Variants in CELF2 observed in about 807,000 individuals in gnomAD.
CELF2 encodes CUGBP Elav-like family member 2.
Under a neutral mutation model 62.6 loss-of-function variants are expected in CELF2, and 8 were observed. That is an observed-to-expected ratio of 0.13 (90% CI 0.07 to 0.23). The LOEUF (loss-of-function observed/expected upper bound fraction) is 0.23. CELF2 is among the 10% of genes least tolerant of loss of function. The probability of loss-of-function intolerance (pLI) is 1.00; values close to 1 mark genes in which losing one functional copy is unlikely to be tolerated. For synonymous variants in CELF2, 258 were observed against 250.0 expected, an observed-to-expected ratio of 1.03 and a Z score of -0.30; for missense variants, 333 against 671.0, an observed-to-expected ratio of 0.50 and a Z score of 5.56.
chr10:11,086,312 G>C (rs116818493), intron 1 of CELF2, among the ~76,000 whole-genome samples: 4 of 151,790 alleles, frequency 2.6e-5, no homozygotes, highest in African/African-American at 9.7e-5. Context: ...TTTTCCCTCC[G>C]CCTGGCCTGT....
At chr10:10,864,467 A>G (rs1171242467) in intron 1 of CELF2, among the ~76,000 whole-genome samples, 1 of 152,192 alleles carries the variant, frequency 6.6e-6, no homozygotes, top group African/African-American at 2.4e-5. Context: ...TGGCTTAAAC[A>G]GCAGACAATT....
chr10:10,720,899 T>C, the CELF2 span, among the ~76,000 whole-genome samples: 1 of 152,196 alleles, frequency 6.6e-6, no homozygotes, highest in Non-Finnish European at 1.5e-5. Flanking sequence ...ATAAAAATCT[T>C]AGGAAAGCCA....
At chr10:10,743,918 C>A in the CELF2 span, among the ~76,000 whole-genome samples, 4 of 152,168 alleles carry the variant, frequency 2.6e-5, no homozygotes, top group Admixed American at 2.6e-4. Context: ...AGTCCAGCAG[C>A]AGCCATGCTC....
At chr10:10,579,258 T>C in the CELF2 span, among the ~76,000 whole-genome samples, 2 of 152,186 alleles carry the variant, frequency 1.3e-5, no homozygotes, top group African/African-American at 2.4e-5. Flanking sequence ...TGGATTTGCA[T>C]CTTGGAGTTT....
the CELF2 span, among the ~76,000 whole-genome samples, chr10:10,497,432 A>C: frequency 5.3e-5 from 8 of 152,216 alleles, no homozygotes; most frequent in African/African-American, 1.9e-4. Flanking sequence ...GGAACAACAA[A>C]AAAGACATGA....
At position 11,319,034 on chromosome 10, in the gene CELF2, G is replaced by A. The variant is rs563665023; in HGVS notation, c.1097-2155G>A. On this transcript the variant is annotated intron_variant, in intron 10 of 12. Transcript: ENST00000633077. The surrounding 1 kb of genome is among the most constrained non-coding windows in gnomAD (Gnocchi z 4.4). ...CAGCCCGTCCTCGTCTGGCAGCAAGGCCCCACATGGCTCTGCAGGCTGCGA... is the reference window on the plus strand; with the variant it reads ...CAGCCCGTCCTCGTCTGGCAGCAAGACCCCACATGGCTCTGCAGGCTGCGA... The A allele has an allele frequency of 1.3e-5, 6 of 470,966 alleles. No homozygotes were observed. The highest frequency in any genetic ancestry group is 7.0e-5 in the Admixed American group (3 of 42,596). 29.2% of individuals were successfully genotyped at this position (470,966 alleles called of 1,614,324 possible). A position where few individuals can be genotyped will look rare whatever the true frequency, so the allele number is the denominator to read the frequency against.
chr10:11,262,394 G>C (rs1307962515), intron 5 of CELF2, among the ~76,000 whole-genome samples: 4 of 152,182 alleles, frequency 2.6e-5, no homozygotes, highest in Non-Finnish European at 4.4e-5. Context: ...CAACAAGCAT[G>C]TACACAGAAA....
chr10:10,558,724 G>T, the CELF2 span, among the ~76,000 whole-genome samples: 1 of 152,088 alleles, frequency 6.6e-6, no homozygotes, highest in African/African-American at 2.4e-5. Flanking sequence ...CCTGTTATTG[G>T]TCTATTCAGA....
At chr10:11,139,369 A>T (rs1027704309) in intron 1 of CELF2, among the ~76,000 whole-genome samples, 1 of 152,236 alleles carries the variant, frequency 6.6e-6, no homozygotes, top group African/African-American at 2.4e-5. Context: ...ACACAGTTCT[A>T]AATAGTTGAA....
chr10:11,334,059 A>G lies in CELF2; in HGVS notation c.*5006A>G, dbSNP rs980842261. The stretch of plus-strand genomic sequence containing the variant: ...TTCTTTTTTCCCTTTGCTTATATCT[A>G]GCATTAGAATTTTGTCTTAAAATAA... On this transcript the variant is annotated 3_prime_UTR_variant, in exon 13 of 13. Coordinates refer to ENST00000633077, the MANE Select transcript of CELF2 (RefSeq NM_001326342.2). The G allele has an allele frequency of 2.0e-5, 3 of 152,624 alleles. No homozygotes were observed. Among genetic ancestry groups the G allele is most frequent in the Non-Finnish European group, 2.9e-5 (2 of 68,030 alleles). The allele number at this position is 152,624 out of a possible 1,614,324, so 9.5% of individuals were successfully genotyped here. A position where few individuals can be genotyped will look rare whatever the true frequency, so the allele number is the denominator to read the frequency against.
At chr10:11,073,479 G>A (rs7091077) in intron 1 of CELF2, among the ~76,000 whole-genome samples, 29,656 of 152,158 alleles carry the variant, frequency 0.19, 3,000 homozygotes, top group Middle Eastern at 0.28. Flanking sequence ...AGTGGTATGA[G>A]GGTCTGGAAT....
the CELF2 span, among the ~76,000 whole-genome samples, chr10:10,696,288 G>C: frequency 6.6e-6 from 1 of 151,366 alleles, no homozygotes; most frequent in Non-Finnish European, 1.5e-5. Context: ...TGCCCCTGCT[G>C]GGGGGTGCCT....
chr10:11,170,048 T>C (rs897961452), intron 2 of CELF2, among the ~76,000 whole-genome samples: 7 of 152,170 alleles, frequency 4.6e-5, no homozygotes, highest in African/African-American at 1.7e-4. Flanking sequence ...GGAAAGGAAA[T>C]GCATGGATGT....
At chr10:11,236,964 G>A (rs187427449) in intron 3 of CELF2, among the ~76,000 whole-genome samples, 1 of 152,322 alleles carries the variant, frequency 6.6e-6, no homozygotes, top group East Asian at 1.9e-4. Context: ...GGAATTCCCT[G>A]AAATACATGC....
At chr10:10,738,694 C>T in the CELF2 span, among the ~76,000 whole-genome samples, 1 of 152,140 alleles carries the variant, frequency 6.6e-6, no homozygotes, top group African/African-American at 2.4e-5. Flanking sequence ...CTACAAAATA[C>T]CTGACTAGTT....
chr10:11,215,799 A>T (rs1330514206), intron 2 of CELF2, among the ~76,000 whole-genome samples: 3 of 152,170 alleles, frequency 2.0e-5, no homozygotes, highest in Non-Finnish European at 4.4e-5. Flanking sequence ...TTTTCTTCTA[A>T]AAATGGTTAC....
At chr10:10,903,084 A>T (rs997427924) in intron 1 of CELF2, among the ~76,000 whole-genome samples, 1 of 152,182 alleles carries the variant, frequency 6.6e-6, no homozygotes, top group African/African-American at 2.4e-5. Context: ...TAGTGAGAGG[A>T]AAGTGAGATT....
the CELF2 span, among the ~76,000 whole-genome samples, chr10:10,773,151 AT>A: frequency 6.6e-6 from 1 of 152,234 alleles, no homozygotes; most frequent in Non-Finnish European, 1.5e-5. Context: ...TATGGTGTTG[AT>A]TTCTAAGGAA....
Position 10,934,923 on chromosome 10 carries a change from G to A in CELF2, c.89+14924G>A, listed in dbSNP as rs1034199660. 2.0e-5 allele frequency: 3 copies of A among 152,140 alleles called. No homozygotes were observed. The highest frequency in any genetic ancestry group is 2.9e-5 in the Non-Finnish European group (2 of 68,020). The allele number at this position is 152,140 out of a possible 1,614,324, so 9.4% of individuals were successfully genotyped here. A position where few individuals can be genotyped will look rare whatever the true frequency, so the allele number is the denominator to read the frequency against. ...TAGAGATTCCTTAAGAAAAAATAAT[G>A]TTACTGCAGAGATAAATGCAATACT... On this transcript the variant is annotated intron_variant, in intron 2 of 13. Coordinates refer to the CELF2 transcript ENST00000636488. This position sits in a 1 kb window ranked among gnomAD's most constrained non-coding sequence, Gnocchi z 4.4.
Sources: allele counts gnomAD v4.1 joint callset (sites outside exome capture counted in the v4.1 genomes callset), GRCh38; gene constraint gnomAD v4.1.1; non-coding constraint Gnocchi (gnomAD v3.1); transcripts MANE v1.5; gene names NCBI Gene and HGNC (gene_info 2026-07-23, HGNC 2026-07-21).